GNGT2: variants seen among roughly 807,000 people sequenced by gnomAD.
GNGT2 encodes the protein guanine nucleotide-binding protein G(I)/G(S)/G(O) subunit gamma-T2.
GNGT2 carries 4 observed loss-of-function variants against 3.5 expected under a neutral mutation model. The observed-to-expected ratio is 1.13, with a 90% CI of 0.56 to 2.59. GNGT2 has a LOEUF of 2.59. Among genes scored for constraint, GNGT2 ranks in the 30% most tolerant of loss-of-function variants. The probability of loss-of-function intolerance (pLI) is 0.02; values close to 1 mark genes in which losing one functional copy is unlikely to be tolerated. For synonymous variants in GNGT2, 31 were observed against 29.5 expected (o/e 1.05, Z -0.17); for missense variants, 64 against 81.2 (o/e 0.79, Z 0.82).
Position 49,206,953 on chromosome 17 carries a change from A to C in GNGT2, c.85-71T>G. The C allele has an allele frequency of 1.9e-6, 3 of 1,546,386 alleles. No homozygotes were observed. The Admixed American group carries it at 5.1e-5, about 26-fold the overall frequency. On this transcript the variant is annotated intron_variant, in intron 3 of 3. Transcript: ENST00000507680. The stretch of plus-strand genomic sequence containing the variant: ...GGTCCATGATTTGGTCAGTGCCAGA[A>C]AAACAGGCTTCTGGGCAGGGCAGAG...
At position 49,210,390 on chromosome 17, in the gene GNGT2, C is replaced by A; in HGVS notation, c.-133+54G>T. Reference sequence around the variant, plus strand: ...TCCTCCCCAGTCTCCGACCCCATCCCCCAGCCGACCAGTTTCCTCTCCAGG... The same window carrying A: ...TCCTCCCCAGTCTCCGACCCCATCCACCAGCCGACCAGTTTCCTCTCCAGG... On this transcript the variant is annotated intron_variant, in intron 1 of 3. Coordinates refer to ENST00000507680, the MANE Select transcript of GNGT2 (RefSeq NM_001198754.2). The surrounding 1 kb of genome is among the most constrained non-coding windows in gnomAD (Gnocchi z 4.2). 1 of 207,388 alleles carries A rather than the reference C, an allele frequency of 4.8e-6. No homozygotes were observed. Among genetic ancestry groups the A allele is most frequent in the Non-Finnish European group, 9.7e-6 (1 of 103,096 alleles). The allele number at this position is 207,388 out of a possible 1,614,324, so 12.8% of individuals were successfully genotyped here. A position where few individuals can be genotyped will look rare whatever the true frequency, so the allele number is the denominator to read the frequency against.
Position 49,207,391 on chromosome 17 carries a change from A to C in GNGT2, c.32T>G (p.Leu11Trp). The C allele has an allele frequency of 6.2e-7, 1 of 1,613,716 alleles. No homozygotes were observed. MAQDLSEKDL[L>W]KMEVEQLKKE... ...CTTCAGCTGCTCCACCTCCATCTTCAACAGGTCCTTCTCGCTGAGATCCTG... is the reference window on the plus strand; with the variant it reads ...CTTCAGCTGCTCCACCTCCATCTTCCACAGGTCCTTCTCGCTGAGATCCTG... The change falls in exon 3 of 4, where the codon TTG becomes TGG. Residue 11 changes from leucine (L) to tryptophan (W), a missense_variant. Transcript: ENST00000507680.
At chr17:49,208,624 C>T (rs138778234) in intron 2 of GNGT2, among the ~76,000 whole-genome samples, 74 of 152,166 alleles carry the variant, frequency 4.9e-4, no homozygotes, top group African/African-American at 1.6e-3. Context: ...ATTAAAAAAA[C>T]CTACCACATG....
Position 49,207,407 on chromosome 17 carries a change from T to G in GNGT2, c.16A>C (p.Ser6Arg). MAQDL[S>R]EKDLLKMEVE... ...TCCATCTTCAACAGGTCCTTCTCGC[T>G]GAGATCCTGGGCCATCCTGCCCTAG... The change falls in exon 3 of 4, where the codon AGC becomes CGC. Residue 6 changes from serine (S) to arginine (R), a missense_variant. Transcript: ENST00000507680. 1 of 1,613,128 alleles carries G rather than the reference T, an allele frequency of 6.2e-7. No homozygotes were observed. Among genetic ancestry groups the G allele is most frequent in the Non-Finnish European group, 8.5e-7 (1 of 1,179,032 alleles).
intron 2 of GNGT2, 131 bp from the exon 3 acceptor site, chr17:49,207,575 C>A: frequency 1.5e-6 from 1 of 650,752 alleles, no homozygotes; most frequent in Non-Finnish European, 2.8e-6. Flanking sequence ...GATATTCACT[C>A]CATCCTTGCA....
intron 2 of GNGT2, among the ~76,000 whole-genome samples, chr17:49,208,461 CAAAA>C (rs549993684): frequency 1.6e-5 from 2 of 124,186 alleles, no homozygotes; most frequent in Non-Finnish European, 3.5e-5. Flanking sequence ...GACTCCATCT[CAAAA>C]AAAAAAAAAA....
At position 49,206,776 on chromosome 17, in the gene GNGT2, C is replaced by A. The variant is rs745801317; in HGVS notation, c.191G>T (p.Gly64Val). 5.0e-6 allele frequency: 8 copies of A among 1,613,542 alleles called. No individual in the cohort carries two copies. Among genetic ancestry groups the A allele is most frequent in the Admixed American group, 1.7e-5 (1 of 59,886 alleles). The change falls in exon 4 of 4, where the codon GGT (glycine) becomes GTT (valine). Residue 64 changes from glycine (G) to valine (V), a missense_variant. Coordinates refer to ENST00000507680, the MANE Select transcript of GNGT2 (RefSeq NM_001198754.2). ...PEDKNPFKEK[G>V]GCLIS ...ATGCCATCAGCTTATCAGACAGCCA[C>A]CTTTCTCCTTGAAGGGATTCTTGTC...
At chr17:49,209,778 G>A (rs1015723517) in intron 1 of GNGT2, among the ~76,000 whole-genome samples, 1 of 152,216 alleles carries the variant, frequency 6.6e-6, no homozygotes, top group African/African-American at 2.4e-5. Flanking sequence ...CCAGGACCCA[G>A]TCCAACTCTC....
chr17:49,208,024 GGGTGAT>G (rs1007570913), intron 2 of GNGT2, among the ~76,000 whole-genome samples: 2 of 152,090 alleles, frequency 1.3e-5, no homozygotes, highest in African/African-American at 4.8e-5. Context: ...AAATTAGCCG[GGGTGAT>G]GGTGAGTGCC....
At chr17:49,208,727 A>G (rs538199208) in intron 2 of GNGT2, 118 bp downstream of exon 2, 1 of 152,210 alleles carries the variant, frequency 6.6e-6, no homozygotes, top group South Asian at 2.1e-4. Flanking sequence ...TATTATTATC[A>G]CTAATAATGC....
rs2043146924 is a variant in GNGT2 at position 49,210,162 on chromosome 17, A to G, written c.-133+282T>C. 1 of 152,456 alleles carries G rather than the reference A, an allele frequency of 6.6e-6. No homozygotes were observed. Among genetic ancestry groups the G allele is most frequent in the Non-Finnish European group, 1.5e-5 (1 of 68,292 alleles). The allele number at this position is 152,456 out of a possible 1,614,324, so 9.4% of individuals were successfully genotyped here. On this transcript the variant is annotated intron_variant, in intron 1 of 3. Transcript: ENST00000507680. The surrounding 1 kb of genome is among the most constrained non-coding windows in gnomAD (Gnocchi z 4.2). Reference sequence around the variant, plus strand: ...CAACCCTGACCCCTCTTGCTGCCGCATCGGCTGTTTTCTATTTTTGCTGTG... The same window carrying G: ...CAACCCTGACCCCTCTTGCTGCCGCGTCGGCTGTTTTCTATTTTTGCTGTG...
rs368058968 is a variant in GNGT2, at chr17:49,207,322, G to A, written c.84+17C>T. On this transcript the variant is annotated intron_variant, in intron 3 of 3. Transcript: ENST00000507680. Reference sequence around the variant, plus strand: ...GGAACAGGAAGGGAAGAGCAGGGACGGGGCGAGGAGGCTCACCGGAATTCT... The same window carrying A: ...GGAACAGGAAGGGAAGAGCAGGGACAGGGCGAGGAGGCTCACCGGAATTCT... 5 of 1,577,610 alleles carry A rather than the reference G, an allele frequency of 3.2e-6. No homozygotes were observed. Among genetic ancestry groups the A allele is most frequent in the Admixed American group, 1.7e-5 (1 of 59,978 alleles).
rs550378316 is a variant in GNGT2, at chr17:49,210,534, C to A, written c.-223G>T. On this transcript the variant is annotated 5_prime_UTR_variant, in exon 1 of 4. Transcript: ENST00000507680. The surrounding 1 kb of genome is among the most constrained non-coding windows in gnomAD (Gnocchi z 4.2). Reference sequence around the variant, plus strand: ...CCTCTGGGCAGGGGACAGAGAGACACAGGCTCGGGGAGCAGGACTGACTTC... The same window carrying A: ...CCTCTGGGCAGGGGACAGAGAGACAAAGGCTCGGGGAGCAGGACTGACTTC... The A allele has an allele frequency of 1.9e-6, 1 of 519,006 alleles. No homozygotes were observed. Among genetic ancestry groups the A allele is most frequent in the South Asian group, 2.8e-5 (1 of 35,864 alleles). The allele number at this position is 519,006 out of a possible 1,614,324, so 32.2% of individuals were successfully genotyped here. A position where few individuals can be genotyped will look rare whatever the true frequency, so the allele number is the denominator to read the frequency against.
chr17:49,207,346 C>A lies in GNGT2; in HGVS notation c.77G>T (p.Arg26Ile), dbSNP rs773767247. ...EQLKKEVKNT[R>I]IPISKAGKEI... ...CGGGGCGAGGAGGCTCACCGGAATTCTTGTGTTTTTCACTTCTTTCTTCAG... is the reference window on the plus strand; with the variant it reads ...CGGGGCGAGGAGGCTCACCGGAATTATTGTGTTTTTCACTTCTTTCTTCAG... The change falls in exon 3 of 4, where the codon AGA becomes ATA. Residue 26 changes from arginine (R) to isoleucine (I), a missense_variant. Arg to Ile is a moderately conservative substitution (Grantham distance 97). Transcript: ENST00000507680. The A allele has an allele frequency of 1.2e-6, 2 of 1,610,974 alleles. No individual in the cohort carries two copies. The highest frequency in any genetic ancestry group is 1.7e-6 in the Non-Finnish European group (2 of 1,177,108).
rs2043148967 is a variant in GNGT2 at position 49,210,278 on chromosome 17, C to T, written c.-133+166G>A. On this transcript the variant is annotated intron_variant, in intron 1 of 3. Transcript: ENST00000507680. The surrounding 1 kb of genome is among the most constrained non-coding windows in gnomAD (Gnocchi z 4.2). ...CCTTGGTGACTCATCCCTGAGCTTC[C>T]CAAGGAAGCCCCCACCCTCTGCCCT... 6.4e-6 allele frequency: 1 copy of T among 157,046 alleles called. No individual in the cohort carries two copies. The highest frequency in any genetic ancestry group is 1.4e-5 in the Non-Finnish European group (1 of 70,866). The allele number at this position is 157,046 out of a possible 1,614,324, so 9.7% of individuals were successfully genotyped here.
In GNGT2 at chr17:49,206,869, C is replaced by T. The variant is rs901763365; in HGVS notation, c.98G>A (p.Gly33Glu). The change falls in exon 4 of 4, where the codon GGA (glycine) becomes GAA (glutamate). Residue 33 changes from glycine (G) to glutamate (E), a missense_variant. Transcript: ENST00000507680. ...CTCCACGTACTCCTTGATTTCCTTT[C>T]CCGCTTTGGAAATCTGCGAGAACAC... ...KNTRIPISKA[G>E]KEIKEYVEAQ... 1.3e-5 allele frequency: 21 copies of T among 1,613,834 alleles called. No homozygotes were observed. The highest frequency in any genetic ancestry group is 1.7e-5 in the Admixed American group (1 of 59,952).
intron 1 of GNGT2, chr17:49,209,288 A>G (rs1018782409): frequency 6.6e-6 from 1 of 152,344 alleles, no homozygotes; most frequent in African/African-American, 2.4e-5. Context: ...GGCAAGTCCT[A>G]GACCGGCCCC....
chr17:49,207,865 G>T (rs750872117), intron 2 of GNGT2, among the ~76,000 whole-genome samples: 1 of 152,120 alleles, frequency 6.6e-6, no homozygotes, highest in Non-Finnish European at 1.5e-5. Context: ...TACAATAATG[G>T]TCAAGAGAAG....
Position 49,206,570 on chromosome 17 carries a change from G to T in GNGT2, c.*187C>A. The stretch of plus-strand genomic sequence containing the variant: ...CAGCAAGGTCAGCAGAGACCCAGCA[G>T]GTGGAGGAAATAATGGGAGAAAAGA... On this transcript the variant is annotated 3_prime_UTR_variant, in exon 4 of 4. Coordinates refer to ENST00000507680, the MANE Select transcript of GNGT2 (RefSeq NM_001198754.2). 1.7e-6 allele frequency: 1 copy of T among 594,112 alleles called. No individual in the cohort carries two copies. The highest frequency in any genetic ancestry group is 2.9e-6 in the Non-Finnish European group (1 of 345,836). The allele number at this position is 594,112 out of a possible 1,614,324, so 36.8% of individuals were successfully genotyped here. A position where few individuals can be genotyped will look rare whatever the true frequency, so the allele number is the denominator to read the frequency against.
Sources: allele counts gnomAD v4.1 joint callset (sites outside exome capture counted in the v4.1 genomes callset), GRCh38; gene constraint gnomAD v4.1.1; non-coding constraint Gnocchi (gnomAD v3.1); transcripts MANE v1.5; gene names NCBI Gene and HGNC (gene_info 2026-07-23, HGNC 2026-07-21).